GGA3: variants seen among roughly 807,000 people sequenced by gnomAD.
GGA3 encodes the protein ADP-ribosylation factor-binding protein GGA3.
A neutral mutation model predicts 77.5 loss-of-function variants in GGA3; 57 were observed. That is an observed-to-expected ratio of 0.74 (90% confidence interval 0.59 to 0.92). The LOEUF is 0.92. Among genes scored for constraint, GGA3 ranks in the 40% least tolerant of loss-of-function variants. The pLI, the probability that GGA3 is intolerant of heterozygous loss-of-function variation, is 0.00. For missense variants in GGA3, 970 were observed against 914.9 expected (o/e 1.06, Z -0.78); for synonymous variants, 416 against 383.7 (o/e 1.08, Z -0.98).
chr17:75,237,137 GTGGCTGGGACAAGC>G lies in GGA3; in HGVS notation c.*1128_*1141del. On this transcript the variant is annotated 3_prime_UTR_variant, in exon 17 of 17. Coordinates refer to ENST00000537686, the MANE Select transcript of GGA3 (RefSeq NM_138619.4). ...CCCAGGATCACATCCAGCAGCTAGA[GTGGCTGGGACAAGC>G]TGGCGGGGGCCAAGCACTGTTGAAG... 1 of 368,912 alleles carries G rather than the reference GTGGCTGGGACAAGC, an allele frequency of 2.7e-6. No individual in the cohort carries two copies. The highest frequency in any genetic ancestry group is 5.0e-6 in the Non-Finnish European group (1 of 200,920). 22.9% of individuals were successfully genotyped at this position (368,912 alleles called of 1,614,324 possible).
In GGA3 at chr17:75,241,669, T is replaced by A; in HGVS notation, c.775A>T (p.Arg259Trp). The change falls in exon 9 of 17, where the codon AGG (arginine) becomes TGG (tryptophan). Residue 259 changes from arginine (R) to tryptophan (W), a missense_variant. Physicochemically the swap from Arg to Trp is moderately radical, Grantham distance 101. Coordinates refer to ENST00000537686, the MANE Select transcript of GGA3 (RefSeq NM_138619.4). ...CTGGCGAGTTTAAATAAAGTCCGCC[T>A]CTTGTTCTCACACTGATCAAACAGC... Reference protein sequence around the residue: ...KELFDQCENKRRTLFKLASET... With the variant: ...KELFDQCENKWRTLFKLASET... The A allele has an allele frequency of 1.9e-6, 3 of 1,614,132 alleles. No homozygotes were observed. Among genetic ancestry groups the A allele is most frequent in the Non-Finnish European group, 2.5e-6 (3 of 1,179,964 alleles).
chr17:75,239,713 C>G (rs1241619596), intron 13 of GGA3, 76 bp downstream of exon 13: 4 of 1,547,272 alleles, frequency 2.6e-6, no homozygotes, highest in Non-Finnish European at 3.6e-6. Context: ...GCACCCCCAC[C>G]CCTTCAAAGT....
In GGA3 at chr17:75,248,794, ACAAAAACAAAAACAAAAAAAACAAAAC is replaced by A. The variant is rs1307024494; in HGVS notation, c.41-2025_41-1999del. On this transcript the variant is annotated intron_variant, in intron 1 of 16. Transcript: ENST00000537686. ...AGTGAAAACTCTGTCTAAAAAAAAA[ACAAAAACAAAAACAAAAAAAACAAAAC>A]AAAAAAAAAAAAACTCACCAGCTGG... 17,627 of 800,678 alleles carry A rather than the reference ACAAAAACAAAAACAAAAAAAACAAAAC, an allele frequency of 0.022. 2,445 individuals are homozygous for A. The African/African-American group carries it at 0.36, about 16-fold the overall frequency. 49.6% of individuals were successfully genotyped at this position (800,678 alleles called of 1,614,324 possible). A position where few individuals can be genotyped will look rare whatever the true frequency, so the allele number is the denominator to read the frequency against.
At chr17:75,242,735 G>GGA in intron 7 of GGA3, 96 bp downstream of exon 7, 1 of 1,100,182 alleles carries the variant, frequency 9.1e-7, no homozygotes, top group Non-Finnish European at 1.4e-6. Flanking sequence ...TGGCAGCAGG[G>GGA]GAGAACAAAA....
intron 1 of GGA3, among the ~76,000 whole-genome samples, chr17:75,248,397 G>C (rs928074888): frequency 6.9e-6 from 1 of 144,550 alleles, no homozygotes; most frequent in African/African-American, 2.5e-5. Flanking sequence ...CGCGAACCCG[G>C]GGGGTGGAGT....
chr17:75,258,848 CATT>C (rs1450989691), intron 1 of GGA3, among the ~76,000 whole-genome samples: 1 of 151,288 alleles, frequency 6.6e-6, no homozygotes, highest in African/African-American at 2.4e-5. Flanking sequence ...CAACTTTTCC[CATT>C]ATTTAATGGC....
chr17:75,258,578 G>A (rs567970636), intron 1 of GGA3, among the ~76,000 whole-genome samples: 3 of 152,318 alleles, frequency 2.0e-5, no homozygotes, highest in African/African-American at 7.2e-5. Context: ...GCTGAGGATG[G>A]AGAATTGCTT....
chr17:75,248,074 G>GA (rs1555585607), intron 1 of GGA3, among the ~76,000 whole-genome samples: 2 of 152,202 alleles, frequency 1.3e-5, no homozygotes, highest in Non-Finnish European at 1.5e-5. Flanking sequence ...AGATCTCTAT[G>GA]AGGGCCCAAA....
chr17:75,261,826 C>CT, upstream of GGA3: 1 of 1,496,826 alleles, frequency 6.7e-7, no homozygotes. Context: ...CCTGAGGAGT[C>CT]TTTTTCACCC....
At chr17:75,238,592 C>T (rs755367557) in intron 16 of GGA3, 60 bp downstream of exon 16, 32 of 1,220,800 alleles carry the variant, frequency 2.6e-5, no homozygotes, top group Middle Eastern at 2.2e-4. Context: ...GTGGGCCTGA[C>T]GTCCTAATCT....
At chr17:75,261,687 T>C (rs2145628837), upstream of GGA3, 3 of 1,267,050 alleles carry the variant, frequency 2.4e-6, no homozygotes, top group Admixed American at 5.5e-5. Flanking sequence ...GTGAGTGCCG[T>C]CACCGAGGGC....
Position 75,243,140 on chromosome 17 carries a change from G to T in GGA3, c.451C>A (p.Pro151Thr). The T allele has an allele frequency of 1.9e-6, 3 of 1,611,828 alleles. No homozygotes were observed. The highest frequency in any genetic ancestry group is 2.5e-6 in the Non-Finnish European group (3 of 1,179,154). The change falls in exon 6 of 17, where the codon CCT becomes ACT. Residue 151 changes from proline to threonine, a missense_variant. By Grantham distance (38) the Pro-to-Thr change is conservative. Coordinates refer to ENST00000537686, the MANE Select transcript of GGA3 (RefSeq NM_138619.4). Reference sequence around the variant, plus strand: ...GAGGGGATCAGCGTCCTATCCACAGGAATTGGTGGGTCAGACTGCACTATG... The same window carrying T: ...GAGGGGATCAGCGTCCTATCCACAGTAATTGGTGGGTCAGACTGCACTATG... The part of the protein sequence containing the change: ...QGIVQSDPPI[P>T]VDRTLIPSPP...
intron 1 of GGA3, among the ~76,000 whole-genome samples, chr17:75,255,476 T>C (rs937541373): frequency 6.6e-6 from 1 of 152,042 alleles, no homozygotes; most frequent in Non-Finnish European, 1.5e-5. Context: ...AAGTATAAGA[T>C]ACCTCTACTC....
rs1451298746 is a variant in GGA3, at chr17:75,241,545, C to A, written c.830-29G>T. 7 of 1,602,160 alleles carry A rather than the reference C, an allele frequency of 4.4e-6. No homozygotes were observed. The South Asian group carries it at 7.7e-5, about 18-fold the overall frequency. ...GAGCAGGAAAGAGAGACTTCTCACTCCTGTTGTGACAGTTCCCACCCACAT... is the reference window on the plus strand; with the variant it reads ...GAGCAGGAAAGAGAGACTTCTCACTACTGTTGTGACAGTTCCCACCCACAT... On this transcript the variant is annotated intron_variant, in intron 9 of 16. Coordinates refer to ENST00000537686, the MANE Select transcript of GGA3 (RefSeq NM_138619.4).
At position 75,240,732 on chromosome 17, in the gene GGA3, G is replaced by A. The variant is rs112883237; in HGVS notation, c.1192+80C>T. ...ACCCCAACAGTCACACTGGGGCCCC[G>A]CTCAGGGCTCCTAATTCCACACACC... is the stretch of plus-strand genomic sequence containing the variant. On this transcript the variant is annotated intron_variant, in intron 11 of 16. Transcript: ENST00000537686. 5.4e-3 allele frequency: 7,981 copies of A among 1,465,228 alleles called. 304 individuals are homozygous for A. The African/African-American group carries it at 0.093, about 17-fold the overall frequency. The allele number at this position is 1,465,228 out of a possible 1,614,324, so 90.8% of individuals were successfully genotyped here. A position where few individuals can be genotyped will look rare whatever the true frequency, so the allele number is the denominator to read the frequency against.
At position 75,246,950 on chromosome 17, in the gene GGA3, GA is replaced by G. The variant is rs548830047; in HGVS notation, c.41-155del. Among the ~76,000 whole-genome samples the G allele has an allele frequency of 4.4e-4, 63 of 144,078 alleles. 1 individual carries two copies. Among genetic ancestry groups the G allele is most frequent in the African/African-American group, 8.6e-4 (34 of 39,400 alleles). 94.5% of individuals were successfully genotyped at this position (144,078 alleles called of 152,430 possible). A position where few individuals can be genotyped will look rare whatever the true frequency, so the allele number is the denominator to read the frequency against. On this transcript the variant is annotated intron_variant, in intron 1 of 16. Transcript: ENST00000537686. ...TAGAACAGTCAGTAGCAAGGAGACA[GA>G]AAAAAAAAAAATTCAGTCGGAGAGC... is the stretch of plus-strand genomic sequence containing the variant.
chr17:75,239,561 A>C lies in GGA3; in HGVS notation c.1594T>G (p.Leu532Val). ...AGAGGGGAGGTAGTGGGTTTCACCA[A>C]GCCCGAGGTCCTGGGAGGTGGGAAG... ...LLEEAKVTSGLVKPTTSPLIP... is the reference protein window; with the variant it reads ...LLEEAKVTSGVVKPTTSPLIP... Residue 532 changes from leucine (L) to valine (V), a missense_variant, in exon 14 of 17, where the codon TTG (leucine) becomes GTG (valine). By Grantham distance (32) the Leu-to-Val change is conservative. Coordinates refer to ENST00000537686, the MANE Select transcript of GGA3 (RefSeq NM_138619.4). 1 of 1,556,744 alleles carries C rather than the reference A, an allele frequency of 6.4e-7. No homozygotes were observed. The highest frequency in any genetic ancestry group is 8.7e-7 in the Non-Finnish European group (1 of 1,150,102).
chr17:75,260,895 G>A (rs1033266059), intron 1 of GGA3, among the ~76,000 whole-genome samples: 2 of 151,616 alleles, frequency 1.3e-5, no homozygotes, highest in African/African-American at 2.4e-5. Context: ...GACTCGTTAG[G>A]ATATTCAAGG....
intron 4 of GGA3, 129 bp from the exon 5 acceptor site, chr17:75,243,699 AGT>A: frequency 2.4e-6 from 2 of 833,492 alleles, no homozygotes; most frequent in Non-Finnish European, 3.7e-6. Flanking sequence ...CAGGTGTCCA[AGT>A]GTGTGTGAGA....
Sources: allele counts gnomAD v4.1 joint callset (sites outside exome capture counted in the v4.1 genomes callset), GRCh38; gene constraint gnomAD v4.1.1; transcripts MANE v1.5; gene names NCBI Gene and HGNC (gene_info 2026-07-23, HGNC 2026-07-21).